DNMBP: variants seen among roughly 807,000 people sequenced by gnomAD.
DNMBP encodes dynamin-binding protein.
A neutral mutation model predicts 150.0 loss-of-function variants in DNMBP; 87 were observed. The ratio of observed to expected loss-of-function variants is 0.58; its 90% CI spans 0.49 to 0.69. DNMBP has a LOEUF of 0.69. DNMBP is among the 30% of genes least tolerant of loss of function. The pLI, the probability that DNMBP is intolerant of heterozygous loss-of-function variation, is 0.00. For synonymous variants in DNMBP, 711 were observed against 750.4 expected, an observed-to-expected ratio of 0.95 and a Z score of 0.86; for missense variants, 1,774 against 1,949.0, an observed-to-expected ratio of 0.91 and a Z score of 1.69.
At position 99,962,896 on chromosome 10, in the gene DNMBP, A is replaced by G. The variant is rs560663503; in HGVS notation, c.269-5691T>C. On this transcript the variant is annotated intron_variant, in intron 3 of 16. Coordinates refer to ENST00000324109, the MANE Select transcript of DNMBP (RefSeq NM_015221.4). ...CCCATATAATAAGGCTTGTTTTCCT[A>G]TCTATTTTCAACAGGATAACTGTTT... Among the ~76,000 whole-genome samples, 743 of 152,230 alleles carry G rather than the reference A, an allele frequency of 4.9e-3. 5 individuals carry two copies. Among genetic ancestry groups the G allele is most frequent in the Non-Finnish European group, 6.9e-3 (472 of 68,010 alleles).
rs532226561 is a variant in DNMBP at position 99,970,971 on chromosome 10, CAAAAAAAAA to C, written c.145+1000_145+1008del. ...TGGGCAACAGAGCAAGACTCCGTCT[CAAAAAAAAA>C]AAAAAAAAAAAAAAAAAAGGAAAGC... On this transcript the variant is annotated intron_variant, in intron 2 of 16. Coordinates refer to ENST00000324109, the MANE Select transcript of DNMBP (RefSeq NM_015221.4). Among the ~76,000 whole-genome samples, 329 of 33,198 alleles carry C rather than the reference CAAAAAAAAA, an allele frequency of 9.9e-3. 15 individuals carry two copies. The highest frequency in any genetic ancestry group is 0.029 in the East Asian group (21 of 728). 21.8% of individuals were successfully genotyped at this position (33,198 alleles called of 152,430 possible).
chr10:99,954,008 G>A (rs1030385728), intron 4 of DNMBP, among the ~76,000 whole-genome samples: 1 of 151,870 alleles, frequency 6.6e-6, no homozygotes, highest in East Asian at 1.9e-4. Flanking sequence ...AAATGTCCCA[G>A]AGGTATATGT....
Position 99,879,802 on chromosome 10 carries a change from C to A in DNMBP, c.4548+9G>T, listed in dbSNP as rs557570390. The stretch of plus-strand genomic sequence containing the variant: ...CTGTGCCACAGTGGCAGGCCTCTTA[C>A]GCACTCACCTGGTTGCCTTCTGCCT... On this transcript the variant is annotated intron_variant, in intron 16 of 16. Transcript: ENST00000324109. 6.2e-7 allele frequency: 1 copy of A among 1,613,122 alleles called. No individual in the cohort carries two copies. Among genetic ancestry groups the A allele is most frequent in the South Asian group, 1.1e-5 (1 of 90,960 alleles).
chr10:99,930,395 G>C, intron 4 of DNMBP: 1 of 702,912 alleles, frequency 1.4e-6, no homozygotes, highest in African/African-American at 1.7e-5. Flanking sequence ...TCACATCTGG[G>C]CTTCTCGTAG....
At chr10:99,927,888 A>G (rs540371662) in intron 4 of DNMBP, among the ~76,000 whole-genome samples, 1 of 152,202 alleles carries the variant, frequency 6.6e-6, no homozygotes, top group Non-Finnish European at 1.5e-5. Context: ...CACTTTGATT[A>G]CAGTTGGGAG....
At chr10:99,911,784 A>G (rs2039903573) in intron 4 of DNMBP, among the ~76,000 whole-genome samples, 1 of 152,214 alleles carries the variant, frequency 6.6e-6, no homozygotes, top group East Asian at 1.9e-4. Context: ...CAAAACTTGA[A>G]GCATAACCCT....
Position 99,884,227 on chromosome 10 carries a change from A to G in DNMBP, c.3799-18T>C, listed in dbSNP as rs1320581927. The stretch of plus-strand genomic sequence containing the variant: ...TAACTTGGCTGAAAGGTAAGACGTT[A>G]ACAAAAATCTCTCAGTGGCCACTAC... On this transcript the variant is annotated intron_variant, in intron 14 of 16. Transcript: ENST00000324109. The G allele has an allele frequency of 6.2e-7, 1 of 1,602,576 alleles. No individual in the cohort carries two copies. The highest frequency in any genetic ancestry group is 1.7e-5 in the Admixed American group (1 of 59,760).
At chr10:99,915,108 A>AAAAAAAAATATATAT (rs10654940) in intron 4 of DNMBP, among the ~76,000 whole-genome samples, 25 of 99,792 alleles carry the variant, frequency 2.5e-4, no homozygotes, top group African/African-American at 8.4e-4. Flanking sequence ...AAAAAAAAAA[A>AAAAAAAAATATATAT]ATATATATAT....
At chr10:99,988,703 C>T (rs978934471) in intron 1 of DNMBP, among the ~76,000 whole-genome samples, 2 of 151,790 alleles carry the variant, frequency 1.3e-5, no homozygotes, top group Non-Finnish European at 2.9e-5. Flanking sequence ...GCTCTGTCAC[C>T]CAGGCTGGAG....
At chr10:99,979,210 T>C (rs1008602763) in intron 1 of DNMBP, among the ~76,000 whole-genome samples, 2 of 152,174 alleles carry the variant, frequency 1.3e-5, no homozygotes, top group Non-Finnish European at 2.9e-5. Flanking sequence ...GTATTTATTC[T>C]CTAATCCTGT....
Position 99,905,768 on chromosome 10 carries a change from C to T in DNMBP, c.2554+2227G>A, listed in dbSNP as rs967043257. Among the ~76,000 whole-genome samples the T allele has an allele frequency of 5.9e-5, 9 of 152,260 alleles. No individual in the cohort carries two copies. The East Asian group carries it at 1.5e-3, about 26-fold the overall frequency. ...GGAAGATCGCTTGAGGCCAGGCATCCAAGACTAGCCTGGGCAATATAGTGA... is the reference window on the plus strand; with the variant it reads ...GGAAGATCGCTTGAGGCCAGGCATCTAAGACTAGCCTGGGCAATATAGTGA... On this transcript the variant is annotated intron_variant, in intron 6 of 16. Coordinates refer to ENST00000324109, the MANE Select transcript of DNMBP (RefSeq NM_015221.4).
Position 99,877,322 on chromosome 10 carries a change from G to A in DNMBP, c.4563C>T (p.Val1521=). The change falls in exon 17 of 17, where the codon GTC becomes GTT. Residue 1521 remains valine (V), a synonymous_variant. Coordinates refer to ENST00000324109, the MANE Select transcript of DNMBP (RefSeq NM_015221.4). ...EAEGNQVYFA[V]YTFKARNPNE... The stretch of plus-strand genomic sequence containing the variant: ...TTGGGTTTCGTGCCTTGAAGGTGTA[G>A]ACAGCAAAATAGACCTGTGTGAGGG... 4 of 1,612,856 alleles carry A rather than the reference G, an allele frequency of 2.5e-6. No individual in the cohort carries two copies. Among genetic ancestry groups the A allele is most frequent in the Non-Finnish European group, 3.4e-6 (4 of 1,179,482 alleles).
Position 99,879,824 on chromosome 10 carries a change from G to A in DNMBP, c.4535C>T (p.Ala1512Val), listed in dbSNP as rs368613949. The A allele has an allele frequency of 3.1e-6, 5 of 1,614,098 alleles. No individual in the cohort carries two copies. The highest frequency in any genetic ancestry group is 4.2e-6 in the Non-Finnish European group (5 of 1,179,942). Residue 1512 changes from alanine (A) to valine (V), a missense_variant, in exon 16 of 17, where the codon GCA (alanine) becomes GTA (valine). Coordinates refer to ENST00000324109, the MANE Select transcript of DNMBP (RefSeq NM_015221.4). ...DRSTEPDGSEAEGNQVYFAVY... is the reference protein window; with the variant it reads ...DRSTEPDGSEVEGNQVYFAVY... ...TTACGCACTCACCTGGTTGCCTTCT[G>A]CCTCACTGCCATCTGGCTCTGTACT... is the stretch of plus-strand genomic sequence containing the variant.
At chr10:99,938,952 T>G (rs932729257) in intron 4 of DNMBP, among the ~76,000 whole-genome samples, 1 of 152,142 alleles carries the variant, frequency 6.6e-6, no homozygotes, top group Admixed American at 6.5e-5. Flanking sequence ...ACCGTGATGT[T>G]TGCTATTTGC....
At position 99,876,907 on chromosome 10, in the gene DNMBP, TCTC is replaced by T. The variant is rs1193965071; in HGVS notation, c.*241_*243del. The stretch of plus-strand genomic sequence containing the variant: ...AGCCAGCTCTAAGACTTGTCTCTCT[TCTC>T]ATAGTCACTAAGTCATTTGCAAAGC... On this transcript the variant is annotated 3_prime_UTR_variant, in exon 17 of 17. Transcript: ENST00000324109. 6 of 412,578 alleles carry T rather than the reference TCTC, an allele frequency of 1.5e-5. No individual in the cohort carries two copies. Among genetic ancestry groups the T allele is most frequent in the African/African-American group, 4.1e-5 (2 of 48,640 alleles). 25.6% of individuals were successfully genotyped at this position (412,578 alleles called of 1,614,324 possible). A position where few individuals can be genotyped will look rare whatever the true frequency, so the allele number is the denominator to read the frequency against.
chr10:99,941,107 A>G (rs532615079), intron 4 of DNMBP, among the ~76,000 whole-genome samples: 2 of 151,244 alleles, frequency 1.3e-5, no homozygotes, highest in African/African-American at 4.9e-5. Flanking sequence ...ATGGTCGCAA[A>G]CTCCTGACCT....
intron 3 of DNMBP, among the ~76,000 whole-genome samples, chr10:99,962,475 C>T (rs183007414): frequency 6.6e-6 from 1 of 152,272 alleles, no homozygotes; most frequent in East Asian, 1.9e-4. Flanking sequence ...ACTAAAATTA[C>T]AAAACGTTAG....
intron 1 of DNMBP, among the ~76,000 whole-genome samples, chr10:99,995,092 G>A (rs1299645124): frequency 2.0e-5 from 3 of 146,922 alleles, no homozygotes; most frequent in Non-Finnish European, 3.0e-5. Flanking sequence ...TCACTCTGTT[G>A]CCCAGACTGG....
chr10:99,925,711 G>T (rs1434426367), intron 4 of DNMBP, among the ~76,000 whole-genome samples: 1 of 151,986 alleles, frequency 6.6e-6, no homozygotes, highest in Non-Finnish European at 1.5e-5. Context: ...CACTGTGCCT[G>T]GCCTGACCCA....
Sources: allele counts gnomAD v4.1 joint callset (sites outside exome capture counted in the v4.1 genomes callset), GRCh38; gene constraint gnomAD v4.1.1; transcripts MANE v1.5; gene names NCBI Gene and HGNC (gene_info 2026-07-23, HGNC 2026-07-21).